PCDHA10: variants seen among roughly 807,000 people sequenced by gnomAD.
PCDHA10 encodes protocadherin alpha 10.
In PCDHA10, 45 loss-of-function variants were observed where a neutral mutation model predicts 61.2. The observed-to-expected ratio is 0.74, with a 90% CI of 0.58 to 0.94. PCDHA10 has a LOEUF of 0.94. Ranked by LOEUF, PCDHA10 falls within the 40% of genes least tolerant of loss-of-function variation. PCDHA10 has a pLI of 0.00. For synonymous variants in PCDHA10, 602 were observed against 548.8 expected (o/e 1.10, Z -1.35); for missense variants, 1,278 against 1,236.2 (o/e 1.03, Z -0.51).
intron 1 of PCDHA10, chr5:140,882,820 C>G (rs782663593): frequency 1.2e-6 from 2 of 1,614,102 alleles, no homozygotes; most frequent in African/African-American, 2.7e-5. Flanking sequence ...ACGCACAAAA[C>G]AGTCTTGAGC....
chr5:140,871,332 G>T (rs1182944600), intron 1 of PCDHA10: 6 of 1,614,146 alleles, frequency 3.7e-6, no homozygotes, highest in South Asian at 1.1e-5. Flanking sequence ...GCTCCCGCGC[G>T]GTGGGGAGCT....
chr5:140,938,957 C>T (rs1435245997), intron 1 of PCDHA10, among the ~76,000 whole-genome samples: 2 of 152,040 alleles, frequency 1.3e-5, no homozygotes, highest in African/African-American at 2.4e-5. Context: ...ATGCTCTAGT[C>T]GGAGTTTGGC....
chr5:140,910,791 G>A (rs1471299729), intron 1 of PCDHA10, among the ~76,000 whole-genome samples: 2 of 152,140 alleles, frequency 1.3e-5, no homozygotes, highest in Non-Finnish European at 2.9e-5. Context: ...ATTAAATGCA[G>A]AATCCCTGCT....
At chr5:140,996,296 T>C (rs1252218880) in intron 3 of PCDHA10, among the ~76,000 whole-genome samples, 1 of 152,158 alleles carries the variant, frequency 6.6e-6, no homozygotes, top group African/African-American at 2.4e-5. Context: ...GAAGCACAGA[T>C]TGTAACAAAG....
At chr5:140,869,684 T>G in intron 1 of PCDHA10, 1 of 1,613,486 alleles carries the variant, frequency 6.2e-7, no homozygotes, top group Non-Finnish European at 8.5e-7. Flanking sequence ...AGACTGTCAC[T>G]TATTTTAAAG....
chr5:140,929,080 A>G, intron 1 of PCDHA10: 1 of 1,614,180 alleles, frequency 6.2e-7, no homozygotes, highest in Non-Finnish European at 8.5e-7. Context: ...GTATGGAAGT[A>G]AGATGGTTTC....
At chr5:141,007,522 C>T (rs1475001472) in intron 3 of PCDHA10, among the ~76,000 whole-genome samples, 1 of 151,940 alleles carries the variant, frequency 6.6e-6, no homozygotes, top group Non-Finnish European at 1.5e-5. Context: ...GAGCTGATAT[C>T]TCGCCACTGC....
chr5:140,926,787 A>G, intron 1 of PCDHA10: 2 of 1,420,842 alleles, frequency 1.4e-6, no homozygotes, highest in Non-Finnish European at 1.8e-6. Context: ...GACGGCCGGC[A>G]GGAGCGTGCT....
chr5:140,878,125 A>T (rs1286133298), intron 1 of PCDHA10: 1 of 214,326 alleles, frequency 4.7e-6, no homozygotes, highest in Non-Finnish European at 9.0e-6. Flanking sequence ...ATATTAGATT[A>T]AAAAGTGGCC....
At chr5:140,914,016 G>A (rs1344982730) in intron 1 of PCDHA10, among the ~76,000 whole-genome samples, 2 of 152,140 alleles carry the variant, frequency 1.3e-5, no homozygotes, top group Non-Finnish European at 2.9e-5. Flanking sequence ...CTTTGAGAAT[G>A]ATCCACGTGC....
intron 1 of PCDHA10, among the ~76,000 whole-genome samples, chr5:140,895,476 G>A (rs928938592): frequency 6.6e-6 from 1 of 152,074 alleles, no homozygotes; most frequent in Non-Finnish European, 1.5e-5. Context: ...ATCCTCTTCG[G>A]AGAAATACCT....
At chr5:140,932,066 G>C (rs1196454003) in intron 1 of PCDHA10, among the ~76,000 whole-genome samples, 1 of 151,752 alleles carries the variant, frequency 6.6e-6, no homozygotes, top group Non-Finnish European at 1.5e-5. Flanking sequence ...AAAATTATCA[G>C]TTTAAGAAAT....
chr5:140,906,744 A>G (rs2072897297), intron 1 of PCDHA10, among the ~76,000 whole-genome samples: 1 of 152,210 alleles, frequency 6.6e-6, no homozygotes, highest in Admixed American at 6.5e-5. Context: ...CCATTGACAC[A>G]GGGCATGGTA....
intron 1 of PCDHA10, among the ~76,000 whole-genome samples, chr5:140,941,621 G>A (rs552509224): frequency 6.6e-6 from 1 of 151,808 alleles, no homozygotes; most frequent in South Asian, 2.1e-4. Context: ...AGCCCATCCT[G>A]CTTCTTAATT....
chr5:140,857,445 A>G lies in PCDHA10; in HGVS notation c.1397A>G (p.Asn466Ser), dbSNP rs144782261. The G allele has an allele frequency of 8.5e-5, 136 of 1,598,262 alleles. 10 individuals carry two copies. Among genetic ancestry groups the G allele is most frequent in the Non-Finnish European group, 1.1e-4 (128 of 1,167,832 alleles). ...QSEYTVFVKENNPPGCHIFTV... is the reference protein window; with the variant it reads ...QSEYTVFVKESNPPGCHIFTV... ...GAGTACACGGTGTTCGTGAAGGAGA[A>G]CAACCCGCCAGGCTGCCACATCTTC... Residue 466 changes from asparagine (N) to serine (S), a missense_variant, in exon 1 of 4, where the codon AAC becomes AGC. Physicochemically the swap from Asn to Ser is conservative, Grantham distance 46. Transcript: ENST00000307360.
At chr5:140,978,903 C>T in intron 1 of PCDHA10, 46 bp from the exon 2 acceptor site, 4 of 1,613,202 alleles carry the variant, frequency 2.5e-6, no homozygotes, top group Middle Eastern at 1.7e-4. Flanking sequence ...CCTGGGAGAA[C>T]ATTGTCTTGT....
chr5:140,968,614 A>G, intron 1 of PCDHA10: 5 of 1,614,142 alleles, frequency 3.1e-6, no homozygotes, highest in Non-Finnish European at 4.2e-6. Flanking sequence ...ACTCTGGGCA[A>G]AATGCTTGGC....
At position 140,884,402 on chromosome 5, in the gene PCDHA10, G is replaced by T. The variant is rs782512270; in HGVS notation, c.2388+25966G>T. 2.6e-5 allele frequency: 42 copies of T among 1,613,886 alleles called. 1 individual carries two copies. The Middle Eastern group carries it at 1.3e-3, about 51-fold the overall frequency. The stretch of plus-strand genomic sequence containing the variant: ...CATCTGCGCGGTGTCCAGCCTGTTG[G>T]TGCTCACGTTGCTGCTGTATACTGC... On this transcript the variant is annotated intron_variant, in intron 1 of 3. Coordinates refer to ENST00000307360, the MANE Select transcript of PCDHA10 (RefSeq NM_018901.4).
At chr5:140,948,752 C>T (rs246047) in intron 1 of PCDHA10, among the ~76,000 whole-genome samples, 85,413 of 151,184 alleles carry the variant, frequency 0.56, 24,715 homozygotes, top group African/African-American at 0.69. Context: ...ATCAATTTTG[C>T]TGATTTTTTT....
Sources: gnomAD v4.1 joint callset for allele counts (sites outside exome capture counted in the v4.1 genomes callset) on GRCh38, gnomAD v4.1.1 for gene constraint, MANE v1.5 for transcripts, NCBI Gene and HGNC (gene_info 2026-07-23, HGNC 2026-07-21) for gene names.